The following TNR variants were observed in gnomAD, a reference collection of about 807,000 sequenced individuals.
The protein encoded by TNR is tenascin R.
A neutral mutation model predicts 150.4 loss-of-function variants in TNR; 45 were observed. The ratio of observed to expected loss-of-function variants is 0.30; its 90% CI spans 0.24 to 0.38. The LOEUF is 0.38. TNR is among the 10% of genes least tolerant of loss of function. The probability of loss-of-function intolerance (pLI) is 1.00; values close to 1 mark genes in which losing one functional copy is unlikely to be tolerated. For synonymous variants in TNR, 687 were observed against 678.4 expected, an observed-to-expected ratio of 1.01 and a Z score of -0.20; for missense variants, 1,544 against 1,759.1, an observed-to-expected ratio of 0.88 and a Z score of 2.19.
chr1:175,515,026 C>T (rs1191934412), intron 2 of TNR, among the ~76,000 whole-genome samples: 1 of 152,196 alleles, frequency 6.6e-6, no homozygotes, highest in Non-Finnish European at 1.5e-5. Flanking sequence ...GGGAGACCAA[C>T]TCGTTCCGGG....
In TNR at chr1:175,742,554, T is replaced by C. The variant is rs565860311; in HGVS notation, c.-165+672A>G. Among the ~76,000 whole-genome samples, 11 of 152,234 alleles carry C rather than the reference T, an allele frequency of 7.2e-5. No individual in the cohort carries two copies. The South Asian group carries it at 2.1e-3, about 29-fold the overall frequency. The stretch of plus-strand genomic sequence containing the variant: ...AGACACTAGCACTTTCCTACCACCA[T>C]GAAGTCAGAAGGGACCTCAACCCCC... On this transcript the variant is annotated intron_variant, in intron 1 of 22. Coordinates refer to ENST00000367674, the MANE Select transcript of TNR (RefSeq NM_003285.3).
At chr1:175,494,557 G>A (rs16848523) in intron 2 of TNR, among the ~76,000 whole-genome samples, 33,741 of 152,130 alleles carry the variant, frequency 0.22, 3,977 homozygotes, top group African/African-American at 0.3. Context: ...ACAGCTGAGC[G>A]CAGGTGGGCC....
intron 2 of TNR, among the ~76,000 whole-genome samples, chr1:175,413,122 C>A (rs950168835): frequency 6.6e-6 from 1 of 152,132 alleles, no homozygotes; most frequent in Non-Finnish European, 1.5e-5. Flanking sequence ...ATCTCCCAGG[C>A]TCAAGCAATT....
chr1:175,702,033 G>C (rs768233032), intron 1 of TNR, among the ~76,000 whole-genome samples: 35 of 152,300 alleles, frequency 2.3e-4, no homozygotes, highest in Non-Finnish European at 4.4e-4. Flanking sequence ...CTGACAGATT[G>C]ATTAAACAGT....
chr1:175,564,500 G>C (rs188073501), intron 1 of TNR, among the ~76,000 whole-genome samples: 37 of 152,288 alleles, frequency 2.4e-4, no homozygotes, highest in African/African-American at 7.7e-4. Context: ...ATGGTACCTA[G>C]AGGCTCAGAA....
intron 18 of TNR, among the ~76,000 whole-genome samples, chr1:175,345,503 T>A (rs972637949): frequency 5.9e-5 from 9 of 152,148 alleles, no homozygotes; most frequent in African/African-American, 1.7e-4. Context: ...AAGGATTTTT[T>A]AAAAATCAAA....
At chr1:175,724,907 C>A (rs1378611934) in intron 1 of TNR, among the ~76,000 whole-genome samples, 1 of 152,048 alleles carries the variant, frequency 6.6e-6, no homozygotes, top group Non-Finnish European at 1.5e-5. Flanking sequence ...AGGGGAAGAA[C>A]ATAGAGCAGA....
chr1:175,367,348 G>A, intron 9 of TNR, 51 bp from the exon 10 acceptor site: 1 of 1,521,502 alleles, frequency 6.6e-7, no homozygotes, highest in Non-Finnish European at 9.1e-7. Context: ...GGCAGGGCTA[G>A]GAAGGCTGAA....
intron 1 of TNR, among the ~76,000 whole-genome samples, chr1:175,649,466 G>T (rs1664890567): frequency 1.3e-5 from 2 of 152,168 alleles, no homozygotes; most frequent in Non-Finnish European, 2.9e-5. Flanking sequence ...GCAGTGTCCA[G>T]TCCTCATCAA....
At chr1:175,618,808 T>A (rs1325834220) in intron 1 of TNR, among the ~76,000 whole-genome samples, 1 of 152,210 alleles carries the variant, frequency 6.6e-6, no homozygotes, top group Non-Finnish European at 1.5e-5. Flanking sequence ...GTGCTGGGAC[T>A]ATTGGAGCTT....
At position 175,723,254 on chromosome 1, in the gene TNR, G is replaced by A. The variant is rs550007113; in HGVS notation, c.-165+19972C>T. Among the ~76,000 whole-genome samples the A allele has an allele frequency of 7.9e-5, 12 of 152,244 alleles. No homozygotes were observed. The South Asian group carries it at 2.1e-3, about 26-fold the overall frequency. On this transcript the variant is annotated intron_variant, in intron 1 of 22. Transcript: ENST00000367674. ...GGTTTTTGGGAGGAACATGACAGAG[G>A]CATCTAAACATATTCCTCATACACA...
intron 2 of TNR, among the ~76,000 whole-genome samples, chr1:175,412,947 G>A (rs1654276072): frequency 6.6e-6 from 1 of 152,136 alleles, no homozygotes. Context: ...TTCACTTCTG[G>A]CTTTATTCTC....
At chr1:175,735,872 T>C (rs1667756423) in intron 1 of TNR, among the ~76,000 whole-genome samples, 1 of 152,198 alleles carries the variant, frequency 6.6e-6, no homozygotes. Context: ...TTCAGTCTAG[T>C]ACAATTTCAA....
intron 1 of TNR, among the ~76,000 whole-genome samples, chr1:175,726,731 C>A (rs1188216473): frequency 6.6e-6 from 1 of 152,134 alleles, no homozygotes; most frequent in African/African-American, 2.4e-5. Flanking sequence ...AATTGAAAGA[C>A]AAAATGTGAT....
intron 5 of TNR, among the ~76,000 whole-genome samples, chr1:175,395,383 C>G (rs1653378910): frequency 1.3e-5 from 2 of 152,208 alleles, no homozygotes; most frequent in Non-Finnish European, 2.9e-5. Flanking sequence ...TACCCCTTAT[C>G]TGGTGGTAAG....
intron 2 of TNR, among the ~76,000 whole-genome samples, chr1:175,507,822 G>A (rs531724151): frequency 2.0e-5 from 3 of 152,226 alleles, no homozygotes; most frequent in African/African-American, 4.8e-5. Context: ...TGACAAGGAG[G>A]GGCTGTTTGC....
intron 1 of TNR, among the ~76,000 whole-genome samples, chr1:175,623,936 C>T (rs1664063442): frequency 6.6e-6 from 1 of 152,192 alleles, no homozygotes; most frequent in African/African-American, 2.4e-5. Flanking sequence ...CTCTATGCTA[C>T]CCTGGTTTTC....
chr1:175,355,581 G>A lies in TNR; in HGVS notation c.3171C>T (p.Ala1057=), dbSNP rs112668786. 3,396 of 1,614,034 alleles carry A rather than the reference G, an allele frequency of 2.1e-3. 39 individuals are homozygous for A. The African/African-American group carries it at 0.029, about 14-fold the overall frequency. ...CCCTGGGAGGCTGCCAGGAGATCAG[G>A]GCACTTTGTCTGGTGACTTCACTGG... ...LTASEVTRQS[A]LISWQPPRAE... Residue 1057 remains alanine, a synonymous_variant, in exon 17 of 23, where the codon GCC becomes GCT. Coordinates refer to ENST00000367674, the MANE Select transcript of TNR (RefSeq NM_003285.3).
intron 1 of TNR, among the ~76,000 whole-genome samples, chr1:175,698,969 G>T (rs1010454460): frequency 3.8e-4 from 58 of 152,318 alleles, no homozygotes; most frequent in African/African-American, 1.3e-3. Flanking sequence ...GATCACTCTG[G>T]CTGCTGTGTT....
Sources: gnomAD v4.1 joint callset for allele counts (sites outside exome capture counted in the v4.1 genomes callset) on GRCh38, gnomAD v4.1.1 for gene constraint, MANE v1.5 for transcripts, NCBI Gene and HGNC (gene_info 2026-07-23, HGNC 2026-07-21) for gene names.